The following TENM2 variants were observed in gnomAD, a reference collection of about 807,000 sequenced individuals.
TENM2 encodes the protein teneurin-2.
A neutral mutation model predicts 245.2 loss-of-function variants in TENM2; 52 were observed. The ratio of observed to expected loss-of-function variants is 0.21; its 90% CI spans 0.17 to 0.27. The LOEUF (loss-of-function observed/expected upper bound fraction) is 0.27. Among genes scored for constraint, TENM2 ranks in the 10% least tolerant of loss-of-function variants. TENM2 has a pLI of 1.00. For synonymous variants in TENM2, 1,363 were observed against 1,438.9 expected, an observed-to-expected ratio of 0.95 and a Z score of 1.19; for missense variants, 3,046 against 3,666.8, an observed-to-expected ratio of 0.83 and a Z score of 4.37.
At chr5:168,229,078 A>AATTATAAT (rs1216477869) in intron 25 of TENM2, among the ~76,000 whole-genome samples, 2 of 148,882 alleles carry the variant, frequency 1.3e-5, no homozygotes, top group South Asian at 4.2e-4. Flanking sequence ...TTATATGTAT[A>AATTATAAT]ATTATAATAT....
chr5:167,479,417 A>G (rs1431285989), intron 2 of TENM2, among the ~76,000 whole-genome samples: 1 of 152,188 alleles, frequency 6.6e-6, no homozygotes, highest in Non-Finnish European at 1.5e-5. Flanking sequence ...AAGCCTTCAA[A>G]CTAAGAATTT....
chr5:167,612,761 G>A (rs768195116), intron 2 of TENM2, among the ~76,000 whole-genome samples: 1 of 152,014 alleles, frequency 6.6e-6, no homozygotes, highest in Non-Finnish European at 1.5e-5. Context: ...TTTAATATAT[G>A]ACTTCTCTTT....
intron 1 of TENM2, among the ~76,000 whole-genome samples, chr5:167,356,217 A>AAAAAAAGAAAATT (rs1759321624): frequency 7.7e-6 from 1 of 129,104 alleles, no homozygotes; most frequent in African/African-American, 3.2e-5. Context: ...AAAAAAAAAA[A>AAAAAAAGAAAATT]AAAATTAAAA....
intron 12 of TENM2, among the ~76,000 whole-genome samples, chr5:168,145,711 G>C (rs1158263613): frequency 6.6e-6 from 1 of 151,316 alleles, no homozygotes; most frequent in Non-Finnish European, 1.5e-5. Context: ...TTCCAATTCT[G>C]TGAAGAAAGT....
At chr5:167,495,775 T>G (rs985278822) in intron 2 of TENM2, among the ~76,000 whole-genome samples, 13 of 152,088 alleles carry the variant, frequency 8.5e-5, no homozygotes, top group Non-Finnish European at 1.6e-4. Flanking sequence ...CAAAAAGACT[T>G]TAATCTGAAC....
the TENM2 span, among the ~76,000 whole-genome samples, chr5:167,248,207 A>G: frequency 5.9e-5 from 9 of 152,138 alleles, no homozygotes; most frequent in Non-Finnish European, 1.2e-4. Context: ...TTTGTTTAAT[A>G]CTTGTGCCAG....
At chr5:167,959,140 T>C (rs963195650) in intron 4 of TENM2, among the ~76,000 whole-genome samples, 1 of 152,152 alleles carries the variant, frequency 6.6e-6, no homozygotes. Flanking sequence ...GTTTGGCCCT[T>C]TCACATAGTC....
At chr5:168,044,803 T>C (rs1788476799) in intron 5 of TENM2, among the ~76,000 whole-genome samples, 2 of 152,116 alleles carry the variant, frequency 1.3e-5, no homozygotes, top group Admixed American at 1.3e-4. Context: ...GGGCTCTCAT[T>C]AGTCAGGAAA....
At chr5:168,227,964 G>T (rs780378793) in exon 25 of TENM2, 2 of 1,613,738 alleles carry the variant, frequency 1.2e-6, no homozygotes, top group Non-Finnish European at 1.7e-6. Flanking sequence ...AATGGGATGG[G>T]TATCAGCTTC....
At chr5:167,323,473 C>T (rs1280317128) in intron 1 of TENM2, among the ~76,000 whole-genome samples, 3 of 152,018 alleles carry the variant, frequency 2.0e-5, no homozygotes, top group Non-Finnish European at 4.4e-5. Flanking sequence ...TATTCCCCTC[C>T]CTAAAATAGT....
chr5:168,079,113 T>C (rs1791743462), intron 7 of TENM2, among the ~76,000 whole-genome samples: 2 of 152,198 alleles, frequency 1.3e-5, no homozygotes, highest in South Asian at 4.1e-4. Flanking sequence ...TGTTGAGCAG[T>C]GGTTTGTAGT....
At position 167,552,240 on chromosome 5, in the gene TENM2, A is replaced by G. The variant is rs1308690060; in HGVS notation, c.502+176767A>G. Among the ~76,000 whole-genome samples the G allele has an allele frequency of 2.6e-5, 4 of 152,180 alleles. No individual in the cohort carries two copies. In the East Asian group the frequency reaches 7.7e-4, roughly 29 times the overall value. ...ATTAATCAGAACTCCATAAAATCCT[A>G]AAGTTCAAGCTGCATAAATATACTC... On this transcript the variant is annotated intron_variant, in intron 2 of 28. Transcript: ENST00000518659.
At chr5:167,733,063 C>G (rs1760547734) in intron 2 of TENM2, among the ~76,000 whole-genome samples, 1 of 140,842 alleles carries the variant, frequency 7.1e-6, no homozygotes, top group East Asian at 2.3e-4. Flanking sequence ...ATAGTTTCCT[C>G]CATTTTCTCC....
intron 2 of TENM2, among the ~76,000 whole-genome samples, chr5:167,712,560 T>C (rs988162274): frequency 5.3e-5 from 8 of 152,234 alleles, no homozygotes; most frequent in Admixed American, 2.0e-4. Flanking sequence ...TTTTTTGTTT[T>C]ATAGGGAAGA....
chr5:167,624,099 C>A (rs1778348990), intron 2 of TENM2, among the ~76,000 whole-genome samples: 1 of 152,110 alleles, frequency 6.6e-6, no homozygotes, highest in Admixed American at 6.6e-5. Context: ...ATAAATCATT[C>A]TACCAATAAG....
intron 2 of TENM2, among the ~76,000 whole-genome samples, chr5:167,541,926 C>A (rs1467306655): frequency 6.6e-6 from 1 of 152,040 alleles, no homozygotes; most frequent in Non-Finnish European, 1.5e-5. Flanking sequence ...AGAGTTGGGG[C>A]AGAACAAGAA....
intron 2 of TENM2, among the ~76,000 whole-genome samples, chr5:167,620,990 T>C (rs1778130226): frequency 6.6e-6 from 1 of 152,146 alleles, no homozygotes; most frequent in African/African-American, 2.4e-5. Context: ...CCCTTTTACA[T>C]CCATTTTCTT....
At chr5:168,036,853 T>C (rs1292379570) in intron 5 of TENM2, among the ~76,000 whole-genome samples, 2 of 151,606 alleles carry the variant, frequency 1.3e-5, no homozygotes, top group Admixed American at 6.6e-5. Context: ...GAAAATGTAG[T>C]TCTTTTTTAT....
At chr5:167,419,940 A>G (rs1008474642) in intron 2 of TENM2, among the ~76,000 whole-genome samples, 1 of 152,214 alleles carries the variant, frequency 6.6e-6, no homozygotes, top group Non-Finnish European at 1.5e-5. Flanking sequence ...AGCAGAGAGC[A>G]TGATTGGAAC....
Sources: allele counts gnomAD v4.1 joint callset (sites outside exome capture counted in the v4.1 genomes callset), GRCh38; gene constraint gnomAD v4.1.1; transcripts MANE v1.5; gene names NCBI Gene and HGNC (gene_info 2026-07-23, HGNC 2026-07-21).